GHR: variants seen among roughly 807,000 people sequenced by gnomAD.
GHR encodes the protein GH receptor.
Under a neutral mutation model 67.1 loss-of-function variants are expected in GHR, and 35 were observed. The ratio of observed to expected loss-of-function variants is 0.52; its 90% confidence interval spans 0.40 to 0.69. The LOEUF is 0.69. Ranked by LOEUF, GHR falls within the 30% of genes least tolerant of loss-of-function variation. The probability of loss-of-function intolerance (pLI) is 0.00; values close to 1 mark genes in which losing one functional copy is unlikely to be tolerated. For synonymous variants in GHR, 272 were observed against 269.1 expected (o/e 1.01, Z -0.10); for missense variants, 792 against 764.6 (o/e 1.04, Z -0.42).
At chr5:42,532,696 G>A (rs866652152) in intron 1 of GHR, among the ~76,000 whole-genome samples, 8 of 152,018 alleles carry the variant, frequency 5.3e-5, no homozygotes, top group South Asian at 2.1e-4. Context: ...TGTAAGTGTG[G>A]AATGTATTCT....
chr5:42,523,924 G>T (rs1747585793), intron 1 of GHR, among the ~76,000 whole-genome samples: 1 of 151,948 alleles, frequency 6.6e-6, no homozygotes, highest in Non-Finnish European at 1.5e-5. Flanking sequence ...TTTTTCTCTT[G>T]CCACCACCAT....
At position 42,424,907 on chromosome 5, in the gene GHR, G is replaced by A; in HGVS notation, c.-12+952G>A. On this transcript the variant is annotated intron_variant, in intron 1 of 9. Coordinates refer to ENST00000230882, the MANE Select transcript of GHR (RefSeq NM_000163.5). This position sits in a 1 kb window ranked among gnomAD's most constrained non-coding sequence, Gnocchi z 4.1. ...GAATGAGTGTACGTGTGCGCTGTGT[G>A]TGCGCGCGCGAGTGTGCGCCTGGGG... 4.3e-6 allele frequency: 3 copies of A among 698,684 alleles called. No individual in the cohort carries two copies. Among genetic ancestry groups the A allele is most frequent in the Non-Finnish European group, 5.3e-6 (3 of 567,948 alleles). 43.3% of individuals were successfully genotyped at this position (698,684 alleles called of 1,614,324 possible). A position where few individuals can be genotyped will look rare whatever the true frequency, so the allele number is the denominator to read the frequency against.
At chr5:42,611,623 G>A (rs1304879369) in intron 2 of GHR, among the ~76,000 whole-genome samples, 1 of 152,098 alleles carries the variant, frequency 6.6e-6, no homozygotes, top group Non-Finnish European at 1.5e-5. Context: ...ACAGGTCAAT[G>A]GACAGTGCAT....
chr5:42,557,272 C>A (rs1749360541), intron 1 of GHR, among the ~76,000 whole-genome samples: 1 of 152,048 alleles, frequency 6.6e-6, no homozygotes, highest in African/African-American at 2.4e-5. Flanking sequence ...TTTCCTGGAC[C>A]TTCATATGAT....
intron 1 of GHR, among the ~76,000 whole-genome samples, chr5:42,489,198 C>T: frequency 6.6e-6 from 1 of 152,124 alleles, no homozygotes; most frequent in Non-Finnish European, 1.5e-5. Flanking sequence ...TGCCTCCCCA[C>T]TCTTCTTACC....
intron 2 of GHR, among the ~76,000 whole-genome samples, chr5:42,596,271 A>G (rs1045298889): frequency 6.6e-6 from 1 of 152,154 alleles, no homozygotes; most frequent in African/African-American, 2.4e-5. Context: ...AATGTGTTAA[A>G]TGGATGAAAT....
chr5:42,604,033 T>C (rs182917335), intron 2 of GHR, among the ~76,000 whole-genome samples: 124 of 152,310 alleles, frequency 8.1e-4, no homozygotes, highest in South Asian at 3.3e-3. Context: ...TTTATGAGTT[T>C]ATTATAAAGG....
chr5:42,435,388 A>G (rs2111923455), intron 1 of GHR, among the ~76,000 whole-genome samples: 1 of 152,342 alleles, frequency 6.6e-6, no homozygotes, highest in South Asian at 2.1e-4. Flanking sequence ...AAAGTCAATA[A>G]TAAAAGCCAT....
Position 42,424,855 on chromosome 5 carries a change from C to T in GHR, c.-12+900C>T, listed in dbSNP as rs1260194075. On this transcript the variant is annotated intron_variant, in intron 1 of 9. Transcript: ENST00000230882. The surrounding 1 kb of genome is among the most constrained non-coding windows in gnomAD (Gnocchi z 4.1). ...CTGCTGAGACCGAGCTGCGGGGGCT[C>T]TCGGTCTGGCGCGGACTGTGTGTCC... The T allele has an allele frequency of 1.8e-5, 6 of 324,862 alleles. No homozygotes were observed. The South Asian group carries it at 6.1e-4, about 33-fold the overall frequency. 20.1% of individuals were successfully genotyped at this position (324,862 alleles called of 1,614,324 possible). A position where few individuals can be genotyped will look rare whatever the true frequency, so the allele number is the denominator to read the frequency against.
intron 3 of GHR, among the ~76,000 whole-genome samples, chr5:42,635,692 A>G (rs574928198): frequency 6.6e-6 from 1 of 152,206 alleles, no homozygotes; most frequent in East Asian, 1.9e-4. Context: ...TTTCTGAGCA[A>G]TGATAAGTGG....
chr5:42,643,762 G>A (rs762462347), intron 3 of GHR, among the ~76,000 whole-genome samples: 1 of 151,830 alleles, frequency 6.6e-6, no homozygotes, highest in Non-Finnish European at 1.5e-5. Context: ...ATCTGAAAAG[G>A]GAGAAGTGAC....
chr5:42,430,840 T>C (rs1386797324), intron 1 of GHR, among the ~76,000 whole-genome samples: 2 of 152,150 alleles, frequency 1.3e-5, no homozygotes, highest in Non-Finnish European at 2.9e-5. Flanking sequence ...TGGCAAGTAC[T>C]TGGACATGCA....
chr5:42,530,861 G>A (rs1747934990), intron 1 of GHR, among the ~76,000 whole-genome samples: 1 of 152,184 alleles, frequency 6.6e-6, no homozygotes, highest in Admixed American at 6.5e-5. Flanking sequence ...CTTTGGAATA[G>A]GTTTGTGGGG....
chr5:42,636,158 C>T (rs1041762821), intron 3 of GHR, among the ~76,000 whole-genome samples: 1 of 137,508 alleles, frequency 7.3e-6, no homozygotes, highest in African/African-American at 2.8e-5. Flanking sequence ...TGCAGTGAGC[C>T]GAGATCTCAC....
At chr5:42,425,119 G>T (rs1742795584) in intron 1 of GHR, 1 of 577,224 alleles carries the variant, frequency 1.7e-6, no homozygotes, top group African/African-American at 2.0e-5. Context: ...ATAACTAAAC[G>T]CATTGCCCTG....
At chr5:42,549,041 C>T (rs1262671489) in intron 1 of GHR, among the ~76,000 whole-genome samples, 2 of 152,220 alleles carry the variant, frequency 1.3e-5, no homozygotes, top group Non-Finnish European at 2.9e-5. Flanking sequence ...AGTGATACCA[C>T]AATTGCATGT....
intron 2 of GHR, among the ~76,000 whole-genome samples, chr5:42,601,916 G>A (rs1363689755): frequency 6.6e-6 from 1 of 152,048 alleles, no homozygotes; most frequent in Non-Finnish European, 1.5e-5. Context: ...TCTCTGGTCT[G>A]AGAATTTTAG....
At chr5:42,427,138 C>T (rs1187768120) in intron 1 of GHR, among the ~76,000 whole-genome samples, 1 of 152,224 alleles carries the variant, frequency 6.6e-6, no homozygotes, top group Non-Finnish European at 1.5e-5. Flanking sequence ...TTTTCATCCA[C>T]TATAGGGTTC....
chr5:42,556,376 C>T (rs1227603505), intron 1 of GHR, among the ~76,000 whole-genome samples: 2 of 152,014 alleles, frequency 1.3e-5, no homozygotes, highest in Non-Finnish European at 2.9e-5. Flanking sequence ...TTATTTATCT[C>T]CTTTTAGATT....
Sources: allele counts gnomAD v4.1 joint callset (sites outside exome capture counted in the v4.1 genomes callset), GRCh38; gene constraint gnomAD v4.1.1; non-coding constraint Gnocchi (gnomAD v3.1); transcripts MANE v1.5; gene names NCBI Gene and HGNC (gene_info 2026-07-23, HGNC 2026-07-21).